GPATCH2: variants seen among roughly 807,000 people sequenced by gnomAD.
GPATCH2 encodes G patch domain-containing protein 2.
GPATCH2 carries 51 observed loss-of-function variants against 58.0 expected under a neutral mutation model. The ratio of observed to expected loss-of-function variants is 0.88; its 90% CI spans 0.70 to 1.11. GPATCH2 has a LOEUF of 1.11. Among genes scored for constraint, GPATCH2 ranks in the 50% most tolerant of loss-of-function variants. The probability of loss-of-function intolerance (pLI) is 0.00; values close to 1 mark genes in which losing one functional copy is unlikely to be tolerated. For synonymous variants in GPATCH2, 222 were observed against 218.5 expected, an observed-to-expected ratio of 1.02 and a Z score of -0.14; for missense variants, 625 against 652.2, an observed-to-expected ratio of 0.96 and a Z score of 0.45.
chr1:217,596,981 A>T (rs1213105109), intron 5 of GPATCH2, among the ~76,000 whole-genome samples: 1 of 152,162 alleles, frequency 6.6e-6, no homozygotes, highest in Non-Finnish European at 1.5e-5. Flanking sequence ...AATAGAATAA[A>T]AAGGTACAAC....
intron 5 of GPATCH2, among the ~76,000 whole-genome samples, chr1:217,589,465 T>C (rs1303580344): frequency 2.0e-5 from 3 of 152,176 alleles, no homozygotes; most frequent in Non-Finnish European, 4.4e-5. Context: ...ACTGCAGAGA[T>C]GGTCATTTCA....
At chr1:217,515,853 G>A (rs947239934) in intron 5 of GPATCH2, among the ~76,000 whole-genome samples, 5 of 150,070 alleles carry the variant, frequency 3.3e-5, no homozygotes, top group Non-Finnish European at 2.9e-5. Flanking sequence ...GAGGACCAAT[G>A]TATTTGTAGC....
intron 3 of GPATCH2, among the ~76,000 whole-genome samples, chr1:217,612,933 C>T (rs1284638629): frequency 1.3e-5 from 2 of 152,194 alleles, no homozygotes; most frequent in Admixed American, 6.5e-5. Flanking sequence ...CACTTAGCAA[C>T]GTGAAACATA....
intron 5 of GPATCH2, among the ~76,000 whole-genome samples, chr1:217,570,748 A>G (rs1666497809): frequency 6.6e-6 from 1 of 152,228 alleles, no homozygotes; most frequent in Non-Finnish European, 1.5e-5. Context: ...GAGAGCTGGC[A>G]TAGGTTCACT....
intron 6 of GPATCH2, among the ~76,000 whole-genome samples, chr1:217,509,361 A>T (rs985478888): frequency 6.6e-6 from 1 of 152,122 alleles, no homozygotes; most frequent in African/African-American, 2.4e-5. Context: ...TAAAAGCAAC[A>T]TGTCTACTGA....
intron 5 of GPATCH2, among the ~76,000 whole-genome samples, chr1:217,596,910 G>T (rs1301710554): frequency 6.6e-6 from 1 of 152,048 alleles, no homozygotes; most frequent in African/African-American, 2.4e-5. Flanking sequence ...GGACTTCCCA[G>T]GAAACATAAC....
intron 5 of GPATCH2, among the ~76,000 whole-genome samples, chr1:217,540,944 T>C (rs548589996): frequency 1.3e-5 from 2 of 152,330 alleles, no homozygotes; most frequent in Admixed American, 6.5e-5. Context: ...TACTGTTTTC[T>C]GGAGACTCAA....
intron 5 of GPATCH2, among the ~76,000 whole-genome samples, chr1:217,535,788 A>G (rs998331911): frequency 2.0e-5 from 3 of 152,060 alleles, no homozygotes; most frequent in Admixed American, 6.5e-5. Context: ...AACAACCCCC[A>G]GTGTACTTGG....
chr1:217,524,008 T>A (rs1663656123), intron 5 of GPATCH2, among the ~76,000 whole-genome samples: 1 of 142,104 alleles, frequency 7.0e-6, no homozygotes, highest in African/African-American at 2.7e-5. Context: ...GGCTCCTCAC[T>A]TCCCAGTAGG....
chr1:217,516,877 C>T (rs974257287), intron 5 of GPATCH2, among the ~76,000 whole-genome samples: 2 of 152,158 alleles, frequency 1.3e-5, no homozygotes, highest in African/African-American at 2.4e-5. Context: ...TGAAGCTATA[C>T]TTATGGAAAA....
chr1:217,488,095 A>G (rs1483319044), intron 8 of GPATCH2, among the ~76,000 whole-genome samples: 1 of 152,214 alleles, frequency 6.6e-6, no homozygotes, highest in Non-Finnish European at 1.5e-5. Flanking sequence ...ACTGAATCAC[A>G]TTCCAGTAAA....
chr1:217,464,808 CCTT>C (rs1285373926), intron 8 of GPATCH2, among the ~76,000 whole-genome samples: 2 of 152,086 alleles, frequency 1.3e-5, no homozygotes, highest in Middle Eastern at 3.2e-3. Flanking sequence ...TCTCATGTCT[CCTT>C]CTTAAAAGTA....
At chr1:217,618,471 G>C (rs2102834752) in intron 2 of GPATCH2, among the ~76,000 whole-genome samples, 1 of 151,978 alleles carries the variant, frequency 6.6e-6, no homozygotes, top group South Asian at 2.1e-4. Context: ...GCCTACCAAA[G>C]TGCTGGGAGT....
At chr1:217,568,064 C>T (rs1229157699) in intron 5 of GPATCH2, among the ~76,000 whole-genome samples, 2 of 152,136 alleles carry the variant, frequency 1.3e-5, no homozygotes, top group Non-Finnish European at 2.9e-5. Flanking sequence ...TTGCAGTGAG[C>T]CGAGATCGTG....
chr1:217,537,748 A>G, intron 5 of GPATCH2, among the ~76,000 whole-genome samples: 1 of 145,802 alleles, frequency 6.9e-6, no homozygotes, highest in South Asian at 2.3e-4. Flanking sequence ...AATTTGACAA[A>G]TACAACTTTT....
chr1:217,431,237 C>T lies in GPATCH2; in HGVS notation c.1495G>A (p.Ala499Thr). The T allele has an allele frequency of 6.2e-7, 1 of 1,611,208 alleles. No individual in the cohort carries two copies. The highest frequency in any genetic ancestry group is 8.5e-7 in the Non-Finnish European group (1 of 1,177,330). The change falls in exon 10 of 10, where the codon GCC becomes ACC. Residue 499 changes from alanine to threonine, a missense_variant. Ala to Thr is a moderately conservative substitution (Grantham distance 58, BLOSUM62 0). Coordinates refer to ENST00000366935, the MANE Select transcript of GPATCH2 (RefSeq NM_018040.5). ...DGKGISEPIQAMQRPKGLGLG... is the reference protein window; with the variant it reads ...DGKGISEPIQTMQRPKGLGLG... ...CCTAATCCCTTTGGCCTCTGCATGG[C>T]TTGAATTGGCTCAGAGATCCCCTTG...
intron 6 of GPATCH2, among the ~76,000 whole-genome samples, chr1:217,508,864 T>G (rs1662696491): frequency 6.6e-6 from 1 of 152,174 alleles, no homozygotes. Context: ...TGCTACATAT[T>G]TCTGATTAAA....
chr1:217,559,963 C>T (rs1191214955), intron 5 of GPATCH2, among the ~76,000 whole-genome samples: 2 of 152,136 alleles, frequency 1.3e-5, no homozygotes, highest in Middle Eastern at 3.2e-3. Flanking sequence ...ATTCTCCTGC[C>T]TCAGCCTCCC....
intron 8 of GPATCH2, among the ~76,000 whole-genome samples, chr1:217,469,862 T>C (rs918079953): frequency 1.3e-5 from 2 of 152,152 alleles, no homozygotes; most frequent in African/African-American, 4.8e-5. Context: ...GTACAAATGA[T>C]CAAGCAGCAG....
Sources: allele counts gnomAD v4.1 joint callset (sites outside exome capture counted in the v4.1 genomes callset), GRCh38; gene constraint gnomAD v4.1.1; transcripts MANE v1.5; gene names NCBI Gene and HGNC (gene_info 2026-07-23, HGNC 2026-07-21).